Variants in GRID2 observed in about 807,000 individuals in gnomAD.
GRID2 encodes the protein glutamate receptor ionotropic, delta-2.
GRID2 carries 33 observed loss-of-function variants against 114.8 expected under a neutral mutation model. That is an observed-to-expected ratio of 0.29 (90% CI 0.22 to 0.38). The LOEUF (loss-of-function observed/expected upper bound fraction) is 0.38. Ranked by LOEUF, GRID2 falls within the 10% of genes least tolerant of loss-of-function variation. The probability of loss-of-function intolerance (pLI) is 1.00; values close to 1 mark genes in which losing one functional copy is unlikely to be tolerated. For synonymous variants in GRID2, 505 were observed against 449.9 expected, an observed-to-expected ratio of 1.12 and a Z score of -1.55; for missense variants, 1,184 against 1,257.7, an observed-to-expected ratio of 0.94 and a Z score of 0.89.
intron 2 of GRID2, among the ~76,000 whole-genome samples, chr4:92,778,091 A>G (rs2149356735): frequency 6.6e-6 from 1 of 152,224 alleles, no homozygotes; most frequent in Non-Finnish European, 1.5e-5. Context: ...AAAGCAGAGG[A>G]CTGCCCTACA....
In GRID2 at chr4:93,453,359, A is replaced by AGAGAGAGAGAGT. The variant is rs1284889245; in HGVS notation, c.1546-2302_1546-2301insAGAGAGAGAGTG. On this transcript the variant is annotated intron_variant, in intron 10 of 15. Transcript: ENST00000282020. ...GAGAGAGAGAGAGAGAGAGAGAGAG[A>AGAGAGAGAGAGT]GTGTGTGTATTTGTTAGAAAAAGTT... 7.4e-3 allele frequency among the ~76,000 whole-genome samples: 890 copies of AGAGAGAGAGAGT among 120,828 alleles called. 4 individuals carry two copies. The highest frequency in any genetic ancestry group is 0.015 in the South Asian group (54 of 3,606). 79.3% of individuals were successfully genotyped at this position (120,828 alleles called of 152,430 possible).
intron 8 of GRID2, among the ~76,000 whole-genome samples, chr4:93,267,358 A>G (rs934868175): frequency 1.3e-5 from 2 of 152,048 alleles, no homozygotes; most frequent in Admixed American, 6.5e-5. Context: ...GCTGGCCACA[A>G]TGGGGATCAG....
chr4:93,702,004 A>T (rs964985639), intron 14 of GRID2, among the ~76,000 whole-genome samples: 6 of 152,124 alleles, frequency 3.9e-5, no homozygotes, highest in Non-Finnish European at 8.8e-5. Flanking sequence ...CTTTAAAAGG[A>T]ATTCATTAAC....
At chr4:93,699,916 G>A (rs887343465) in intron 14 of GRID2, among the ~76,000 whole-genome samples, 14 of 151,966 alleles carry the variant, frequency 9.2e-5, no homozygotes, top group African/African-American at 2.9e-4. Flanking sequence ...TGACATATTT[G>A]CTCTAAACTA....
At chr4:92,408,544 G>A (rs114677266) in intron 1 of GRID2, among the ~76,000 whole-genome samples, 2,578 of 140,746 alleles carry the variant, frequency 0.018, 92 homozygotes, top group African/African-American at 0.065. Flanking sequence ...TAGGGAGAGT[G>A]TTTAGTCTAT....
At chr4:92,326,699 C>A (rs1055389090) in intron 1 of GRID2, among the ~76,000 whole-genome samples, 1 of 151,890 alleles carries the variant, frequency 6.6e-6, no homozygotes, top group African/African-American at 2.4e-5. Flanking sequence ...ATCTCATTAA[C>A]GTGTAGCAAT....
At chr4:92,317,037 G>C (rs534241945) in intron 1 of GRID2, among the ~76,000 whole-genome samples, 219 of 152,116 alleles carry the variant, frequency 1.4e-3, no homozygotes, top group Non-Finnish European at 2.5e-3. Flanking sequence ...GTGGTTATTT[G>C]GTAATTAATT....
chr4:93,505,945 A>T (rs1728584094), intron 12 of GRID2, among the ~76,000 whole-genome samples: 1 of 152,136 alleles, frequency 6.6e-6, no homozygotes, highest in Admixed American at 6.6e-5. Flanking sequence ...TTGCATCTGT[A>T]TAACACCATC....
chr4:93,325,032 C>T (rs1046656457), intron 8 of GRID2, among the ~76,000 whole-genome samples: 4 of 152,032 alleles, frequency 2.6e-5, no homozygotes, highest in Admixed American at 6.6e-5. Flanking sequence ...GTGTCTCTAT[C>T]TCCTTCAGTT....
At chr4:92,326,224 A>G (rs915944958) in intron 1 of GRID2, among the ~76,000 whole-genome samples, 8 of 151,956 alleles carry the variant, frequency 5.3e-5, no homozygotes, top group Non-Finnish European at 8.8e-5. Context: ...AACTGATTAA[A>G]GGTCAGTAAC....
chr4:92,738,108 A>C (rs189278454), intron 2 of GRID2, among the ~76,000 whole-genome samples: 58 of 152,284 alleles, frequency 3.8e-4, no homozygotes, highest in African/African-American at 1.3e-3. Context: ...CTTTTTAATG[A>C]TCGCCCTTCT....
At chr4:93,676,571 A>T (rs769401322) in intron 14 of GRID2, among the ~76,000 whole-genome samples, 3 of 152,182 alleles carry the variant, frequency 2.0e-5, no homozygotes, top group Non-Finnish European at 2.9e-5. Context: ...GTTACAAATT[A>T]TGGGATTGTG....
intron 13 of GRID2, among the ~76,000 whole-genome samples, chr4:93,534,160 C>T (rs1350882026): frequency 6.6e-6 from 1 of 152,108 alleles, no homozygotes; most frequent in Non-Finnish European, 1.5e-5. Context: ...CCTGACTTCC[C>T]TATTTCTAAA....
intron 14 of GRID2, among the ~76,000 whole-genome samples, chr4:93,666,187 T>C (rs1449746182): frequency 6.6e-6 from 1 of 152,120 alleles, no homozygotes; most frequent in African/African-American, 2.4e-5. Context: ...GTCAGCACTG[T>C]TCTGGCATAA....
chr4:92,956,484 G>A (rs1357014559), intron 2 of GRID2, among the ~76,000 whole-genome samples: 2 of 152,050 alleles, frequency 1.3e-5, no homozygotes, highest in African/African-American at 4.8e-5. Flanking sequence ...TTTCTTCCAT[G>A]TCTTTTCATG....
Position 93,519,091 on chromosome 4 carries a change from A to G in GRID2, c.2193+3680A>G, listed in dbSNP as rs534350271. 3.9e-5 allele frequency among the ~76,000 whole-genome samples: 6 copies of G among 152,268 alleles called. No individual in the cohort carries two copies. The South Asian group carries it at 1.0e-3, about 26-fold the overall frequency. Reference sequence around the variant, plus strand: ...CTTTCTAAACGTGAATCTCATTTTAACAATATCCATAGGTGGTTCATATGC... The same window carrying G: ...CTTTCTAAACGTGAATCTCATTTTAGCAATATCCATAGGTGGTTCATATGC... On this transcript the variant is annotated intron_variant, in intron 13 of 15. Transcript: ENST00000282020.
At chr4:93,189,345 A>C (rs1313160041) in intron 4 of GRID2, among the ~76,000 whole-genome samples, 1 of 152,142 alleles carries the variant, frequency 6.6e-6, no homozygotes, top group Non-Finnish European at 1.5e-5. Flanking sequence ...GTGCCTTCTT[A>C]CTGCATCCTC....
intron 1 of GRID2, among the ~76,000 whole-genome samples, chr4:92,492,219 T>C (rs1723178430): frequency 6.6e-6 from 1 of 152,162 alleles, no homozygotes; most frequent in African/African-American, 2.4e-5. Flanking sequence ...TATGAGTATA[T>C]TCTGGAAAGA....
At chr4:93,081,674 A>T (rs1179947616) in intron 2 of GRID2, among the ~76,000 whole-genome samples, 10 of 152,174 alleles carry the variant, frequency 6.6e-5, no homozygotes, top group Non-Finnish European at 1.5e-4. Flanking sequence ...GTATAAATAA[A>T]TCACAAGGCT....
Sources: gnomAD v4.1 joint callset for allele counts (sites outside exome capture counted in the v4.1 genomes callset) on GRCh38, gnomAD v4.1.1 for gene constraint, MANE v1.5 for transcripts, NCBI Gene and HGNC (gene_info 2026-07-23, HGNC 2026-07-21) for gene names.